Variants in DRD3 observed in about 807,000 individuals in gnomAD.
DRD3 encodes dopamine receptor D3, also known as D(3) dopamine receptor.
DRD3 carries 19 observed loss-of-function variants against 36.3 expected under a neutral mutation model. That is an observed-to-expected ratio of 0.52 (90% CI 0.36 to 0.77). The LOEUF (loss-of-function observed/expected upper bound fraction) is 0.77. DRD3 is among the 30% of genes least tolerant of loss of function. The pLI is 0.00. For missense variants in DRD3, 465 were observed against 505.3 expected, an observed-to-expected ratio of 0.92 and a Z score of 0.77; for synonymous variants, 195 against 203.7, an observed-to-expected ratio of 0.96 and a Z score of 0.36.
At chr3:114,198,414 G>C (rs1300965921) in intron 1 of DRD3, among the ~76,000 whole-genome samples, 1 of 151,854 alleles carries the variant, frequency 6.6e-6, no homozygotes, top group Non-Finnish European at 1.5e-5. Flanking sequence ...TGGGATTACA[G>C]GTGTGAGCCA....
intron 1 of DRD3, among the ~76,000 whole-genome samples, chr3:114,186,640 T>C (rs1437516591): frequency 1.3e-5 from 2 of 152,230 alleles, no homozygotes; most frequent in Non-Finnish European, 2.9e-5. Context: ...GACATAGCTG[T>C]ATGCCACATT....
chr3:114,155,366 A>G (rs1274651047), intron 3 of DRD3, among the ~76,000 whole-genome samples: 1 of 152,114 alleles, frequency 6.6e-6, no homozygotes, highest in African/African-American at 2.4e-5. Flanking sequence ...TGAGCCAAGA[A>G]GGGAGCTTCG....
intron 3 of DRD3, among the ~76,000 whole-genome samples, chr3:114,156,490 C>A (rs957419669): frequency 1.3e-5 from 2 of 151,768 alleles, no homozygotes; most frequent in African/African-American, 4.8e-5. Context: ...CAAAATTTCC[C>A]CTACTTTTCC....
intron 1 of DRD3, chr3:114,176,014 T>C (rs964567163): frequency 2.0e-5 from 3 of 152,190 alleles, no homozygotes; most frequent in Non-Finnish European, 4.4e-5. Context: ...AGTGAGTGCA[T>C]AACCTATTTA....
chr3:114,162,929 A>G (rs2077747388), intron 2 of DRD3, among the ~76,000 whole-genome samples: 1 of 152,180 alleles, frequency 6.6e-6, no homozygotes, highest in Admixed American at 6.5e-5. Context: ...TTCAAAGAAT[A>G]GTGCAAGAGA....
chr3:114,163,232 A>G (rs2077750079), intron 2 of DRD3, among the ~76,000 whole-genome samples: 1 of 151,950 alleles, frequency 6.6e-6, no homozygotes, highest in African/African-American at 2.4e-5. Flanking sequence ...GAGCTTACTC[A>G]TTAAAATGAG....
chr3:114,177,565 C>A (rs913248146), intron 1 of DRD3, among the ~76,000 whole-genome samples: 1 of 152,132 alleles, frequency 6.6e-6, no homozygotes, highest in African/African-American at 2.4e-5. Flanking sequence ...AACTTCAATG[C>A]ATTAGAAATT....
chr3:114,172,268 G>A (rs548660240), intron 1 of DRD3, among the ~76,000 whole-genome samples: 7 of 152,302 alleles, frequency 4.6e-5, no homozygotes, highest in African/African-American at 1.2e-4. Flanking sequence ...AAAAGATGTG[G>A]TGTGTTCAAT....
chr3:114,190,145 T>G (rs2077996530), intron 1 of DRD3, among the ~76,000 whole-genome samples: 1 of 151,790 alleles, frequency 6.6e-6, no homozygotes, highest in Admixed American at 6.6e-5. Flanking sequence ...CAAACCAAAC[T>G]CTAGGGGAGC....
intron 4 of DRD3, among the ~76,000 whole-genome samples, chr3:114,141,848 G>T (rs553785626): frequency 6.6e-6 from 1 of 152,018 alleles, no homozygotes; most frequent in South Asian, 2.1e-4. Context: ...TCAGGAGTTC[G>T]AGACGAGCCT....
At chr3:114,144,780 C>G (rs2077556260) in intron 4 of DRD3, among the ~76,000 whole-genome samples, 1 of 152,168 alleles carries the variant, frequency 6.6e-6, no homozygotes, top group Non-Finnish European at 1.5e-5. Flanking sequence ...TGCTAGAGTG[C>G]TATTAATAAA....
chr3:114,162,965 T>C (rs1005472166), intron 2 of DRD3, among the ~76,000 whole-genome samples: 16 of 152,214 alleles, frequency 1.1e-4, no homozygotes, highest in African/African-American at 3.9e-4. Context: ...CCTTTGGGGT[T>C]GGTGAAAGTA....
chr3:114,173,307 A>G (rs1208012355), intron 1 of DRD3, among the ~76,000 whole-genome samples: 2 of 152,146 alleles, frequency 1.3e-5, no homozygotes, highest in East Asian at 1.9e-4. Flanking sequence ...ATAGCAGCCC[A>G]AAAGGACTAA....
intron 2 of DRD3, among the ~76,000 whole-genome samples, chr3:114,162,141 T>A (rs2077739086): frequency 6.6e-6 from 1 of 152,156 alleles, no homozygotes; most frequent in African/African-American, 2.4e-5. Flanking sequence ...CTTAAAGAAT[T>A]TACAAGATAA....
intron 4 of DRD3, among the ~76,000 whole-genome samples, chr3:114,139,995 A>G (rs1363349681): frequency 6.6e-6 from 1 of 152,242 alleles, no homozygotes; most frequent in Non-Finnish European, 1.5e-5. Context: ...CAGTCTAGAT[A>G]GACAGATGAT....
At chr3:114,130,183 C>G (rs553234744) in intron 6 of DRD3, among the ~76,000 whole-genome samples, 1 of 152,156 alleles carries the variant, frequency 6.6e-6, no homozygotes, top group East Asian at 1.9e-4. Flanking sequence ...TGCTTGAGCC[C>G]AGGAGTTCAA....
At chr3:114,136,980 T>A (rs1004852489) in intron 5 of DRD3, among the ~76,000 whole-genome samples, 6 of 152,254 alleles carry the variant, frequency 3.9e-5, no homozygotes, top group Non-Finnish European at 8.8e-5. Context: ...TGGCCTTGGA[T>A]GGCATTGTCA....
At chr3:114,165,355 C>T (rs534899192) in intron 2 of DRD3, among the ~76,000 whole-genome samples, 20 of 151,874 alleles carry the variant, frequency 1.3e-4, no homozygotes, top group African/African-American at 2.9e-4. Context: ...CGCTTGAACC[C>T]GGAAGGTGGA....
chr3:114,148,400 A>C (rs1280825105), intron 3 of DRD3, among the ~76,000 whole-genome samples: 1 of 152,214 alleles, frequency 6.6e-6, no homozygotes, highest in Non-Finnish European at 1.5e-5. Context: ...GAAATGAGGA[A>C]TGTCCAGTGA....
Sources: allele counts gnomAD v4.1 joint callset (sites outside exome capture counted in the v4.1 genomes callset), GRCh38; gene constraint gnomAD v4.1.1; transcripts MANE v1.5; gene names NCBI Gene and HGNC (gene_info 2026-07-23, HGNC 2026-07-21).